The following GPATCH11 variants were observed in gnomAD, a reference collection of about 807,000 sequenced individuals.
GPATCH11 encodes the protein G-patch domain containing 11, also known as G patch domain-containing protein 11.
GPATCH11 carries 32 observed loss-of-function variants against 44.8 expected under a neutral mutation model. That is an observed-to-expected ratio of 0.71 (90% CI 0.54 to 0.96). The LOEUF (loss-of-function observed/expected upper bound fraction) is 0.96, where lower values mean the gene tolerates loss of function less well. Among genes scored for constraint, GPATCH11 ranks in the 40% least tolerant of loss-of-function variants. GPATCH11 has a pLI of 0.00. For missense variants in GPATCH11, 324 were observed against 303.1 expected (o/e 1.07, Z -0.51); for synonymous variants, 84 against 94.4 (o/e 0.89, Z 0.64).
At chr2:37,088,462 G>A (rs367835718) in intron 2 of GPATCH11, 22 bp downstream of exon 2, 171 of 1,180,144 alleles carry the variant, frequency 1.4e-4, no homozygotes, top group African/African-American at 3.3e-4. Context: ...TGCACACCCA[G>A]TGCAATGATA....
Position 37,097,622 on chromosome 2 carries a change from T to C in GPATCH11, c.*1359T>C, listed in dbSNP as rs915028572. ...TTTTATAGCTCACCTGTTAGTTAGA[T>C]TGAGCAAGAGAACAACCCCTTTTAT... On this transcript the variant is annotated 3_prime_UTR_variant, in exon 9 of 9. Transcript: ENST00000674370. 6.6e-6 allele frequency: 1 copy of C among 152,202 alleles called. No individual in the cohort carries two copies. Among genetic ancestry groups the C allele is most frequent in the Non-Finnish European group, 1.5e-5 (1 of 68,040 alleles). 9.4% of individuals were successfully genotyped at this position (152,202 alleles called of 1,614,324 possible).
chr2:37,088,162 G>A (rs1418718920), intron 1 of GPATCH11, among the ~76,000 whole-genome samples: 1 of 152,148 alleles, frequency 6.6e-6, no homozygotes, highest in Non-Finnish European at 1.5e-5. Flanking sequence ...CATCAACATG[G>A]AAACACAGGG....
At chr2:37,094,341 A>C (rs369994242) in intron 7 of GPATCH11, 146 bp downstream of exon 7, 5 of 570,222 alleles carry the variant, frequency 8.8e-6, no homozygotes, top group African/African-American at 5.6e-5. Context: ...ACCAGATACC[A>C]GTTGCACTTT....
At chr2:37,084,926 A>G (rs1258483721) in intron 1 of GPATCH11, among the ~76,000 whole-genome samples, 2 of 152,182 alleles carry the variant, frequency 1.3e-5, no homozygotes, top group South Asian at 2.1e-4. Flanking sequence ...CCGTTCTTCC[A>G]TGTATTCAGG....
chr2:37,095,437 G>A lies in GPATCH11; in HGVS notation c.655G>A (p.Val219Ile). The change falls in exon 8 of 9, where the codon GTA becomes ATA. Residue 219 changes from valine (V) to isoleucine (I), a missense_variant and splice_region_variant. Coordinates refer to ENST00000674370, the MANE Select transcript of GPATCH11 (RefSeq NM_174931.4). ...EDEYKSEDLS[V>I]LEKLQILTSY... ...TTAATAATGTGCTTGTATCCTATAG[G>A]TACTGGAAAAATTACAAATATTGAC... 6.2e-7 allele frequency: 1 copy of A among 1,603,442 alleles called. No homozygotes were observed. Among genetic ancestry groups the A allele is most frequent in the Non-Finnish European group, 8.5e-7 (1 of 1,175,728 alleles).
chr2:37,084,598 G>C lies in GPATCH11; in HGVS notation c.-14+28G>C, dbSNP rs377680228. The C allele has an allele frequency of 1.3e-5, 16 of 1,231,526 alleles. No homozygotes were observed. In the African/African-American group the frequency reaches 2.0e-4, roughly 16 times the overall value. The allele number at this position is 1,231,526 out of a possible 1,614,324, so 76.3% of individuals were successfully genotyped here. A position where few individuals can be genotyped will look rare whatever the true frequency, so the allele number is the denominator to read the frequency against. ...AAGAGAGCTGTCAGGTAAGGGTCTG[G>C]GGACAACCGGTAGAATGATAAAAGG... On this transcript the variant is annotated intron_variant, in intron 1 of 8. Coordinates refer to ENST00000674370, the MANE Select transcript of GPATCH11 (RefSeq NM_174931.4).
intron 5 of GPATCH11, 37 bp from the exon 6 acceptor site, chr2:37,092,128 C>T (rs369210095): frequency 1.9e-5 from 29 of 1,548,106 alleles, no homozygotes; most frequent in Middle Eastern, 3.5e-4. Flanking sequence ...TTAAAGATAA[C>T]GTAGACCTTT....
At chr2:37,089,004 A>G (rs554011871) in intron 2 of GPATCH11, among the ~76,000 whole-genome samples, 21 of 152,218 alleles carry the variant, frequency 1.4e-4, no homozygotes, top group African/African-American at 4.8e-4. Context: ...CCTTTATTAC[A>G]TCATATTGTC....
chr2:37,098,561 A>G lies in GPATCH11; in HGVS notation c.*2298A>G, dbSNP rs1673712088. ...TTCCCTTTCTCCTGTTACTATGAGG[A>G]CAACCCACACCTGCTCAGTGGCCTA... On this transcript the variant is annotated 3_prime_UTR_variant, in exon 9 of 9. Transcript: ENST00000674370. 6.6e-6 allele frequency: 1 copy of G among 152,124 alleles called. No homozygotes were observed. Among genetic ancestry groups the G allele is most frequent in the African/African-American group, 2.4e-5 (1 of 41,422 alleles). 9.4% of individuals were successfully genotyped at this position (152,124 alleles called of 1,614,324 possible).
intron 2 of GPATCH11, 70 bp downstream of exon 2, chr2:37,088,510 T>G (rs1003714825): frequency 2.0e-5 from 15 of 735,834 alleles, no homozygotes; most frequent in South Asian, 4.0e-5. Context: ...ACATTGATTT[T>G]ATTTTATTTT....
chr2:37,096,936 G>A lies in GPATCH11; in HGVS notation c.*673G>A, dbSNP rs1673615514. Reference sequence around the variant, plus strand: ...TCCCTTCCCTCCATCCAAGCATGAAGAGGAGGGGAAAAGTATTCCCCTCAA... The same window carrying A: ...TCCCTTCCCTCCATCCAAGCATGAAAAGGAGGGGAAAAGTATTCCCCTCAA... On this transcript the variant is annotated 3_prime_UTR_variant, in exon 9 of 9. Coordinates refer to ENST00000674370, the MANE Select transcript of GPATCH11 (RefSeq NM_174931.4). The A allele has an allele frequency of 1.4e-5, 1 of 71,992 alleles. No individual in the cohort carries two copies. Among genetic ancestry groups the A allele is most frequent in the Non-Finnish European group, 3.1e-5 (1 of 32,328 alleles). The allele number at this position is 71,992 out of a possible 1,614,324, so 4.5% of individuals were successfully genotyped here.
intron 7 of GPATCH11, 73 bp downstream of exon 7, chr2:37,094,268 C>T (rs747723536): frequency 8.6e-5 from 80 of 929,158 alleles, no homozygotes; most frequent in South Asian, 5.5e-4. Flanking sequence ...TGTGGTAATC[C>T]GTTGTTGTGG....
rs1205657955 is a variant in GPATCH11, at chr2:37,089,837, A to G, written c.257A>G (p.Tyr86Cys). ...KGFALLQKMG[Y>C]KSGQALGKSG... ...TTTGCCTTGCTCCAAAAGATGGGCTATAAAAGTGGTCAGGCACTTGGCAAG... is the reference window on the plus strand; with the variant it reads ...TTTGCCTTGCTCCAAAAGATGGGCTGTAAAAGTGGTCAGGCACTTGGCAAG... Residue 86 changes from tyrosine to cysteine, a missense_variant, in exon 3 of 9, where the codon TAT becomes TGT. Coordinates refer to ENST00000674370, the MANE Select transcript of GPATCH11 (RefSeq NM_174931.4). 3.9e-6 allele frequency: 6 copies of G among 1,551,678 alleles called. No homozygotes were observed. The highest frequency in any genetic ancestry group is 5.2e-6 in the Non-Finnish European group (6 of 1,146,984).
chr2:37,092,828 G>C (rs1364451805), intron 6 of GPATCH11, among the ~76,000 whole-genome samples: 1 of 152,008 alleles, frequency 6.6e-6, no homozygotes. Flanking sequence ...TTCCTATTCA[G>C]TATCTAATAT....
rs1175906682 is a variant in GPATCH11 at position 37,097,401 on chromosome 2, TTTAA to T, written c.*1139_*1142del. ...GTGAGGCATCAAAATCATGAACCTT[TTTAA>T]AAGTTCATATGCTCAGGTGTCTCTC... On this transcript the variant is annotated 3_prime_UTR_variant, in exon 9 of 9. Coordinates refer to ENST00000674370, the MANE Select transcript of GPATCH11 (RefSeq NM_174931.4). 1 of 152,188 alleles carries T rather than the reference TTTAA, an allele frequency of 6.6e-6. No individual in the cohort carries two copies. The highest frequency in any genetic ancestry group is 1.9e-4 in the East Asian group (1 of 5,198). The allele number at this position is 152,188 out of a possible 1,614,324, so 9.4% of individuals were successfully genotyped here.
At chr2:37,092,098 T>G in intron 5 of GPATCH11, 62 bp downstream of exon 5, 3 of 1,579,996 alleles carry the variant, frequency 1.9e-6, no homozygotes, top group Non-Finnish European at 2.6e-6. Flanking sequence ...TGTTCTCTGG[T>G]ACTTGGGCAT....
At position 37,094,070 on chromosome 2, in the gene GPATCH11, C is replaced by A; in HGVS notation, c.541-12C>A. ...TTAGTATGTTTAATTGAGACTACTT[C>A]TGCATTTTCAGAATATTCAGGTTCC... On this transcript the variant is annotated splice_polypyrimidine_tract_variant and intron_variant, in intron 6 of 8. Coordinates refer to ENST00000674370, the MANE Select transcript of GPATCH11 (RefSeq NM_174931.4). 1 of 1,483,262 alleles carries A rather than the reference C, an allele frequency of 6.7e-7. No homozygotes were observed. Among genetic ancestry groups the A allele is most frequent in the Non-Finnish European group, 9.3e-7 (1 of 1,069,736 alleles). The allele number at this position is 1,483,262 out of a possible 1,614,324, so 91.9% of individuals were successfully genotyped here.
chr2:37,094,999 G>C (rs967966471), intron 7 of GPATCH11, among the ~76,000 whole-genome samples: 3 of 151,414 alleles, frequency 2.0e-5, no homozygotes, highest in Non-Finnish European at 4.4e-5. Context: ...ACACTCGTAT[G>C]CTTACTTGAG....
rs1454938442 is a variant in GPATCH11 at position 37,096,347 on chromosome 2, T to G, written c.*84T>G. ...TTTAGCAGTTGGAAATCTCAAATTT[T>G]TTATGCCAGTAAAGAAAGGGGGACT... On this transcript the variant is annotated 3_prime_UTR_variant, in exon 9 of 9. Transcript: ENST00000674370. 2.5e-6 allele frequency: 2 copies of G among 804,984 alleles called. No homozygotes were observed. The highest frequency in any genetic ancestry group is 1.7e-5 in the South Asian group (1 of 60,286). 49.9% of individuals were successfully genotyped at this position (804,984 alleles called of 1,614,324 possible).
Sources: allele counts gnomAD v4.1 joint callset (sites outside exome capture counted in the v4.1 genomes callset), GRCh38; gene constraint gnomAD v4.1.1; transcripts MANE v1.5; gene names NCBI Gene and HGNC (gene_info 2026-07-23, HGNC 2026-07-21).